The following LRRFIP2 variants were observed in gnomAD, a reference collection of about 807,000 sequenced individuals.
The protein encoded by LRRFIP2 is leucine-rich repeat flightless-interacting protein 2.
LRRFIP2 carries 109 observed loss-of-function variants against 125.9 expected under a neutral mutation model. That is an observed-to-expected ratio of 0.87 (90% CI 0.74 to 1.01). LRRFIP2 has a LOEUF of 1.01. LRRFIP2 is among the 50% of genes least tolerant of loss of function. The pLI, the probability that LRRFIP2 is intolerant of heterozygous loss-of-function variation, is 0.00. For missense variants in LRRFIP2, 850 were observed against 862.3 expected (o/e 0.99, Z 0.18); for synonymous variants, 291 against 293.1 (o/e 0.99, Z 0.07).
chr3:37,085,334 A>G (rs2092964471), intron 18 of LRRFIP2, among the ~76,000 whole-genome samples: 1 of 151,762 alleles, frequency 6.6e-6, no homozygotes, highest in South Asian at 2.1e-4. Flanking sequence ...ACATGGTAAA[A>G]CCCTAAAACC....
intron 1 of LRRFIP2, chr3:37,154,465 T>C (rs1030984609): frequency 4.6e-5 from 7 of 152,254 alleles, no homozygotes; most frequent in Non-Finnish European, 1.0e-4. Context: ...CCTTCCAGTG[T>C]TTCCTTGGTG....
chr3:37,136,959 G>GTC (rs2095570068), intron 2 of LRRFIP2, among the ~76,000 whole-genome samples: 1 of 95,274 alleles, frequency 1.0e-5, no homozygotes, highest in Non-Finnish European at 2.3e-5. Context: ...TCTTTTTTGG[G>GTC]GGGGGTGGGG....
At chr3:37,153,742 G>A (rs2096096529) in intron 1 of LRRFIP2, among the ~76,000 whole-genome samples, 1 of 152,148 alleles carries the variant, frequency 6.6e-6, no homozygotes, top group Admixed American at 6.5e-5. Context: ...GGAAAAAGCA[G>A]CACAGGATAA....
chr3:37,111,876 CCTCCCCATTACATT>C (rs1470654421), intron 8 of LRRFIP2: 2 of 152,588 alleles, frequency 1.3e-5, no homozygotes, highest in African/African-American at 4.8e-5. Flanking sequence ...TCGTTAATTT[CCTCCCCATTACATT>C]CTCCCTTCTC....
chr3:37,151,746 T>G (rs987858410), intron 1 of LRRFIP2, among the ~76,000 whole-genome samples: 4 of 152,052 alleles, frequency 2.6e-5, no homozygotes, highest in African/African-American at 9.7e-5. Context: ...TACAGGCGTA[T>G]GCCACCATGC....
Position 37,083,389 on chromosome 3 carries a change from A to G in LRRFIP2, c.1278+247T>C, listed in dbSNP as rs1051690655. ...ATTAAGAGATAGAAAATGAAGCTAA[A>G]ACTTGAGTTGTATTCTATTTTCAGA... On this transcript the variant is annotated intron_variant, in intron 19 of 27. Coordinates refer to ENST00000336686, the MANE Select transcript of LRRFIP2 (RefSeq NM_006309.4). 2.0e-5 allele frequency among the ~76,000 whole-genome samples: 3 copies of G among 152,156 alleles called. No individual in the cohort carries two copies. In the East Asian group the frequency reaches 5.8e-4, roughly 29 times the overall value.
rs151158805 is a variant in LRRFIP2 at position 37,061,217 on chromosome 3, G to T, written c.1750-2307C>A. Among the ~76,000 whole-genome samples the T allele has an allele frequency of 6.2e-3, 948 of 152,188 alleles. 7 individuals are homozygous for T. The highest frequency in any genetic ancestry group is 0.021 in the African/African-American group (872 of 41,524). The stretch of plus-strand genomic sequence containing the variant: ...AGGCTGGCTGGGCGCGGTGGCTCAT[G>T]CCTGTAATCCCAGCACTTTGGGAGG... On this transcript the variant is annotated intron_variant, in intron 24 of 27. Coordinates refer to ENST00000336686, the MANE Select transcript of LRRFIP2 (RefSeq NM_006309.4).
chr3:37,063,361 T>C (rs1432934721), intron 24 of LRRFIP2, among the ~76,000 whole-genome samples: 1 of 152,140 alleles, frequency 6.6e-6, no homozygotes, highest in African/African-American at 2.4e-5. Flanking sequence ...AGGATGTCAA[T>C]ATAGAATGCC....
chr3:37,112,671 A>G (rs2094595668), intron 8 of LRRFIP2, among the ~76,000 whole-genome samples: 1 of 152,244 alleles, frequency 6.6e-6, no homozygotes, highest in African/African-American at 2.4e-5. Context: ...AAGGACAATT[A>G]ATAAATGAAA....
intron 2 of LRRFIP2, among the ~76,000 whole-genome samples, chr3:37,139,924 A>G (rs996390733): frequency 2.0e-5 from 3 of 152,176 alleles, no homozygotes; most frequent in Non-Finnish European, 4.4e-5. Context: ...GCTTCTGCTC[A>G]TATCACCTTA....
intron 1 of LRRFIP2, among the ~76,000 whole-genome samples, chr3:37,154,968 G>A (rs1382907869): frequency 1.3e-5 from 2 of 152,216 alleles, no homozygotes; most frequent in Middle Eastern, 3.4e-3. Flanking sequence ...TACAGTGAAC[G>A]CTAGTCTGCA....
chr3:37,139,792 G>C (rs2095647058), intron 2 of LRRFIP2, among the ~76,000 whole-genome samples: 1 of 152,054 alleles, frequency 6.6e-6, no homozygotes, highest in Non-Finnish European at 1.5e-5. Context: ...AAGTCTCTCT[G>C]ATCTTTAAAA....
chr3:37,081,405 C>G (rs1012006372), intron 19 of LRRFIP2, among the ~76,000 whole-genome samples: 1 of 152,034 alleles, frequency 6.6e-6, no homozygotes, highest in African/African-American at 2.4e-5. Flanking sequence ...TGAAATACAC[C>G]AGAATGCCTG....
chr3:37,171,100 C>G (rs1350551178), intron 1 of LRRFIP2: 2 of 152,314 alleles, frequency 1.3e-5, no homozygotes, highest in African/African-American at 4.8e-5. Flanking sequence ...CAAACAAAAC[C>G]TTTATTCCTT....
chr3:37,074,978 C>T, intron 20 of LRRFIP2, 46 bp downstream of exon 20: 1 of 1,304,216 alleles, frequency 7.7e-7, no homozygotes, highest in Admixed American at 1.7e-5. Flanking sequence ...TCCCATTCAA[C>T]TCATTTTTTT....
chr3:37,143,474 G>C (rs973566354), intron 2 of LRRFIP2: 1 of 238,166 alleles, frequency 4.2e-6, no homozygotes, highest in East Asian at 1.1e-4. Flanking sequence ...ACAGTCCATG[G>C]GCCTGCAATC....
chr3:37,167,279 C>T (rs1359861025), intron 1 of LRRFIP2, among the ~76,000 whole-genome samples: 1 of 151,056 alleles, frequency 6.6e-6, no homozygotes, highest in East Asian at 1.9e-4. Context: ...CAGGGAAATA[C>T]AAATCAAAAC....
chr3:37,082,009 A>G (rs1576273070), intron 19 of LRRFIP2, among the ~76,000 whole-genome samples: 2 of 152,308 alleles, frequency 1.3e-5, no homozygotes, highest in African/African-American at 4.8e-5. Context: ...ATAGCTAATT[A>G]TAAGGGTTTT....
intron 15 of LRRFIP2, among the ~76,000 whole-genome samples, chr3:37,101,668 GAAAAAAA>G (rs56878231): frequency 2.3e-5 from 3 of 128,374 alleles, no homozygotes; most frequent in Non-Finnish European, 4.8e-5. Context: ...CTGTCACCAA[GAAAAAAA>G]AAAAAAAAAG....
Sources: gnomAD v4.1 joint callset for allele counts (sites outside exome capture counted in the v4.1 genomes callset) on GRCh38, gnomAD v4.1.1 for gene constraint, MANE v1.5 for transcripts, NCBI Gene and HGNC (gene_info 2026-07-23, HGNC 2026-07-21) for gene names.